Variants in HEMK2 observed in about 807,000 individuals in gnomAD.
HEMK2 encodes the protein HemK methyltransferase 2, ETF1 glutamine and histone H4 lysine.
chr21:28,778,935 A>G, the HEMK2 span, among the ~76,000 whole-genome samples: 1 of 152,140 alleles, frequency 6.6e-6, no homozygotes, highest in Admixed American at 6.5e-5. Context: ...TTTAATTTTT[A>G]TGAGATCCAA....
At chr21:28,812,730 A>C in the HEMK2 span, among the ~76,000 whole-genome samples, 1 of 152,010 alleles carries the variant, frequency 6.6e-6, no homozygotes, top group Admixed American at 6.6e-5. Flanking sequence ...TCCTCTTTGT[A>C]CCTCTGGTAG....
At chr21:28,841,461 T>G in the HEMK2 span, among the ~76,000 whole-genome samples, 1 of 105,618 alleles carries the variant, frequency 9.5e-6, no homozygotes, top group South Asian at 2.6e-4. Flanking sequence ...TTATATATAA[T>G]ATATATGATG....
the HEMK2 span, among the ~76,000 whole-genome samples, chr21:28,798,744 T>A: frequency 6.6e-6 from 1 of 152,162 alleles, no homozygotes; most frequent in Non-Finnish European, 1.5e-5. Flanking sequence ...TAGTAGAAGC[T>A]GTAGTAACAG....
chr21:28,663,844 T>A, the HEMK2 span, among the ~76,000 whole-genome samples: 4 of 152,170 alleles, frequency 2.6e-5, no homozygotes, highest in Non-Finnish European at 4.4e-5. Flanking sequence ...TTCTGAGGGT[T>A]TGGCATTTAC....
chr21:28,590,081 G>A, the HEMK2 span, among the ~76,000 whole-genome samples: 1 of 152,182 alleles, frequency 6.6e-6, no homozygotes, highest in Non-Finnish European at 1.5e-5. Flanking sequence ...TCCCCATGAT[G>A]CCCCACATGG....
chr21:28,849,893 T>C, the HEMK2 span, among the ~76,000 whole-genome samples: 15 of 152,208 alleles, frequency 9.9e-5, no homozygotes, highest in Admixed American at 5.2e-4. Context: ...CTATGACTCA[T>C]TGGCATCCCT....
At chr21:28,603,045 G>C in the HEMK2 span, among the ~76,000 whole-genome samples, 5 of 152,292 alleles carry the variant, frequency 3.3e-5, no homozygotes, top group South Asian at 8.3e-4. Flanking sequence ...AATCCACGAT[G>C]GTGAATTCTC....
At chr21:28,831,465 A>ACG in the HEMK2 span, among the ~76,000 whole-genome samples, 45 of 21,908 alleles carry the variant, frequency 2.1e-3, no homozygotes, top group Middle Eastern at 0.019. Context: ...AAAAGAACGA[A>ACG]AGAAAGAAAG....
chr21:28,802,308 T>C, the HEMK2 span, among the ~76,000 whole-genome samples: 7,497 of 152,046 alleles, frequency 0.049, 249 homozygotes, highest in Middle Eastern at 0.1. Context: ...CTGTTGAAAA[T>C]AAAAGGAAGA....
chr21:28,704,918 G>T, the HEMK2 span, among the ~76,000 whole-genome samples: 1 of 152,160 alleles, frequency 6.6e-6, no homozygotes, highest in African/African-American at 2.4e-5. Flanking sequence ...TTCCTGGCTT[G>T]GCAAACTGCC....
chr21:28,594,006 C>T, the HEMK2 span, among the ~76,000 whole-genome samples: 608 of 152,280 alleles, frequency 4.0e-3, 2 homozygotes, highest in Non-Finnish European at 6.0e-3. Flanking sequence ...TTAACATCAA[C>T]AGCGATAAGT....
the HEMK2 span, among the ~76,000 whole-genome samples, chr21:28,634,451 A>C: frequency 3.3e-5 from 5 of 152,232 alleles, no homozygotes; most frequent in Admixed American, 6.5e-5. Flanking sequence ...ATATGCACGC[A>C]TAGCACAGGA....
chr21:28,877,355 AAAAG>A, the HEMK2 span, among the ~76,000 whole-genome samples: 12 of 149,912 alleles, frequency 8.0e-5, no homozygotes, highest in South Asian at 4.3e-4. Context: ...GGAAAGAAAA[AAAAG>A]AAAGAAGAGA....
chr21:28,627,367 T>C, the HEMK2 span, among the ~76,000 whole-genome samples: 2 of 152,310 alleles, frequency 1.3e-5, no homozygotes, highest in African/African-American at 4.8e-5. Flanking sequence ...AATTATGCTT[T>C]GATGAATCTG....
the HEMK2 span, among the ~76,000 whole-genome samples, chr21:28,812,688 T>G: frequency 6.6e-6 from 1 of 152,296 alleles, no homozygotes; most frequent in African/African-American, 2.4e-5. Flanking sequence ...TTTTCTATTG[T>G]TTGAAATAGT....
the HEMK2 span, among the ~76,000 whole-genome samples, chr21:28,667,242 CAT>C: frequency 9.2e-5 from 14 of 152,224 alleles, no homozygotes; most frequent in South Asian, 4.1e-4. Context: ...AATATATAAA[CAT>C]GTGTTGTTTT....
At chr21:28,682,796 G>A in the HEMK2 span, among the ~76,000 whole-genome samples, 8 of 152,020 alleles carry the variant, frequency 5.3e-5, no homozygotes, top group Admixed American at 2.0e-4. Context: ...GCAAACTATC[G>A]CAAGGACAAA....
chr21:28,718,596 G>A, the HEMK2 span, among the ~76,000 whole-genome samples: 3 of 143,254 alleles, frequency 2.1e-5, no homozygotes, highest in Admixed American at 2.1e-4. Context: ...GAATCTCAGT[G>A]CTCCAACATA....
chr21:28,724,668 T>C, the HEMK2 span, among the ~76,000 whole-genome samples: 1 of 151,806 alleles, frequency 6.6e-6, no homozygotes, highest in Non-Finnish European at 1.5e-5. Context: ...GATGAAAAAT[T>C]AGTTATTCCA....
Sources: gnomAD v4.1 joint callset for allele counts (sites outside exome capture counted in the v4.1 genomes callset) on GRCh38, gnomAD v4.1.1 for gene constraint, MANE v1.5 for transcripts, NCBI Gene and HGNC (gene_info 2026-07-23, HGNC 2026-07-21) for gene names.